The following PCGF2 variants were observed in gnomAD, a reference collection of about 807,000 sequenced individuals.
The protein encoded by PCGF2 is polycomb group RING finger protein 2.
A neutral mutation model predicts 36.1 loss-of-function variants in PCGF2; 8 were observed. That is an observed-to-expected ratio of 0.22 (90% CI 0.13 to 0.40). PCGF2 has a LOEUF of 0.40. PCGF2 is among the 10% of genes least tolerant of loss of function. The pLI, the probability that PCGF2 is intolerant of heterozygous loss-of-function variation, is 1.00. For synonymous variants in PCGF2, 198 were observed against 191.2 expected (o/e 1.04, Z -0.29); for missense variants, 436 against 475.9 (o/e 0.92, Z 0.78).
chr17:38,741,997 G>A (rs1907232258), intron 2 of PCGF2, among the ~76,000 whole-genome samples: 1 of 152,276 alleles, frequency 6.6e-6, no homozygotes, highest in Admixed American at 6.5e-5. Flanking sequence ...CTGTTCACAG[G>A]CTGTCCAGTG....
intron 10 of PCGF2, among the ~76,000 whole-genome samples, 187 bp from the exon 11 acceptor site, chr17:38,735,787 A>G (rs1157883034): frequency 1.3e-5 from 2 of 152,146 alleles, no homozygotes; most frequent in Non-Finnish European, 2.9e-5. Context: ...AAGGTCTAAG[A>G]GCAGAGACTC....
intron 3 of PCGF2, 150 bp downstream of exon 3, chr17:38,740,141 G>A (rs149466132): frequency 1.5e-6 from 1 of 668,792 alleles, no homozygotes; most frequent in Non-Finnish European, 2.6e-6. Context: ...TGCGAGGTAG[G>A]CCCTCTGTGA....
At chr17:38,736,970 T>TA (rs898942136) in intron 9 of PCGF2, among the ~76,000 whole-genome samples, 6 of 146,766 alleles carry the variant, frequency 4.1e-5, no homozygotes, top group African/African-American at 1.0e-4. Flanking sequence ...CCGTCTCTAC[T>TA]AAAAAAACAG....
At chr17:38,735,853 A>G (rs1433202475) in intron 10 of PCGF2, among the ~76,000 whole-genome samples, 5 of 151,934 alleles carry the variant, frequency 3.3e-5, no homozygotes. Context: ...GCCAGCACCT[A>G]TTTCTGCCCC....
In PCGF2 at chr17:38,734,983, T is replaced by G; in HGVS notation, c.*240A>C. 2.8e-6 allele frequency: 1 copy of G among 351,394 alleles called. No individual in the cohort carries two copies. The highest frequency in any genetic ancestry group is 5.1e-6 in the Non-Finnish European group (1 of 197,874). The allele number at this position is 351,394 out of a possible 1,614,324, so 21.8% of individuals were successfully genotyped here. ...AAAAATGAACACCATTTTCCACACA[T>G]ACACACACACATAAAGTTTGTTTCC... is the stretch of plus-strand genomic sequence containing the variant. On this transcript the variant is annotated 3_prime_UTR_variant, in exon 11 of 11. Transcript: ENST00000620225.
Position 38,734,500 on chromosome 17 carries a change from T to A in PCGF2, c.*723A>T, listed in dbSNP as rs148289101. 8 of 141,794 alleles carry A rather than the reference T, an allele frequency of 5.6e-5. No individual in the cohort carries two copies. The highest frequency in any genetic ancestry group is 1.1e-4 in the Non-Finnish European group (7 of 65,718). The allele number at this position is 141,794 out of a possible 1,614,324, so 8.8% of individuals were successfully genotyped here. ...GGCCTGAATCTTCTTTTCCACAAGATAAATGATGCAAAGGCCACACACACA... is the reference window on the plus strand; with the variant it reads ...GGCCTGAATCTTCTTTTCCACAAGAAAAATGATGCAAAGGCCACACACACA... On this transcript the variant is annotated 3_prime_UTR_variant, in exon 11 of 11. Coordinates refer to ENST00000620225, the MANE Select transcript of PCGF2 (RefSeq NM_007144.3).
chr17:38,735,595 C>A lies in PCGF2; in HGVS notation c.663G>T (p.Gly221=). Residue 221 remains glycine, a synonymous_variant, in exon 11 of 11, where the codon GGG becomes GGT. Coordinates refer to ENST00000620225, the MANE Select transcript of PCGF2 (RefSeq NM_007144.3). The part of the protein sequence containing the change: ...IAYIYPWRRN[G]PLPLKYRVQP... ...GGACACGGTACTTGAGGGGGAGAGG[C>A]CCGTTCTGCGGGGAGAGTGGGGAGG... 1 of 1,564,624 alleles carries A rather than the reference C, an allele frequency of 6.4e-7. No individual in the cohort carries two copies. Among genetic ancestry groups the A allele is most frequent in the Non-Finnish European group, 8.7e-7 (1 of 1,151,348 alleles).
rs1906580488 is a variant in PCGF2 at position 38,735,150 on chromosome 17, G to T, written c.*73C>A. The T allele has an allele frequency of 8.3e-7, 1 of 1,198,960 alleles. No homozygotes were observed. The allele number at this position is 1,198,960 out of a possible 1,614,324, so 74.3% of individuals were successfully genotyped here. On this transcript the variant is annotated 3_prime_UTR_variant, in exon 11 of 11. Coordinates refer to ENST00000620225, the MANE Select transcript of PCGF2 (RefSeq NM_007144.3). ...GGAAGAGCTGGGGAAAGTAGAAGAG[G>T]TGGAAAAAAGGGCCCAGAAAAAGTG...
intron 2 of PCGF2, among the ~76,000 whole-genome samples, chr17:38,742,160 G>T (rs1024228675): frequency 5.9e-5 from 9 of 152,168 alleles, no homozygotes; most frequent in African/African-American, 2.2e-4. Flanking sequence ...TCTTGGTAAA[G>T]AAATCAAACC....
intron 2 of PCGF2, 113 bp from the exon 3 acceptor site, chr17:38,740,555 T>C (rs868566997): frequency 1.3e-4 from 89 of 678,284 alleles, no homozygotes; most frequent in Middle Eastern, 1.2e-3. Flanking sequence ...GTCAGGAGAT[T>C]GAGACCATCT....
chr17:38,737,071 G>A (rs1261187879), intron 9 of PCGF2, among the ~76,000 whole-genome samples: 1 of 151,878 alleles, frequency 6.6e-6, no homozygotes, highest in Non-Finnish European at 1.5e-5. Flanking sequence ...GTCAGCAGAG[G>A]TTGCGGTGAG....
chr17:38,743,556 G>A (rs937308279), intron 2 of PCGF2, among the ~76,000 whole-genome samples: 3 of 152,078 alleles, frequency 2.0e-5, no homozygotes, highest in Non-Finnish European at 4.4e-5. Flanking sequence ...TGAATGAAAC[G>A]CTGCTCCTTC....
At chr17:38,736,929 T>G (rs1906805884) in intron 9 of PCGF2, among the ~76,000 whole-genome samples, 1 of 143,054 alleles carries the variant, frequency 7.0e-6, no homozygotes, top group African/African-American at 2.7e-5. Flanking sequence ...GGCCGAGAAT[T>G]CAAGACCAGC....
chr17:38,743,562 CCTT>C (rs1259267394), intron 2 of PCGF2, among the ~76,000 whole-genome samples: 1 of 152,180 alleles, frequency 6.6e-6, no homozygotes, highest in Non-Finnish European at 1.5e-5. Flanking sequence ...AAACGCTGCT[CCTT>C]CTCCAGTTTA....
At chr17:38,742,864 G>GCATCTATGTGTGTGTGCAGAGC (rs1378908366) in intron 2 of PCGF2, among the ~76,000 whole-genome samples, 3 of 152,196 alleles carry the variant, frequency 2.0e-5, no homozygotes, top group Non-Finnish European at 4.4e-5. Context: ...GTGTCCAGAT[G>GCATCTATGTGTGTGTGCAGAGC]CATCTATGTG....
chr17:38,740,053 T>G (rs895034041), intron 3 of PCGF2, among the ~76,000 whole-genome samples: 2 of 152,244 alleles, frequency 1.3e-5, no homozygotes, highest in Admixed American at 1.3e-4. Flanking sequence ...ATTTCAGCCA[T>G]TTCAAGAAAG....
rs368418582 is a variant in PCGF2 at position 38,735,106 on chromosome 17, G to T, written c.*117C>A. 2.8e-6 allele frequency: 2 copies of T among 726,276 alleles called. No homozygotes were observed. The highest frequency in any genetic ancestry group is 7.8e-5 in the Admixed American group (2 of 25,604). The allele number at this position is 726,276 out of a possible 1,614,324, so 45.0% of individuals were successfully genotyped here. A position where few individuals can be genotyped will look rare whatever the true frequency, so the allele number is the denominator to read the frequency against. On this transcript the variant is annotated 3_prime_UTR_variant, in exon 11 of 11. Coordinates refer to ENST00000620225, the MANE Select transcript of PCGF2 (RefSeq NM_007144.3). ...ATATATATATTTATTTATAAAACCCGCCCCCCACCCCCAAGGTGGGAAGAG... is the reference window on the plus strand; with the variant it reads ...ATATATATATTTATTTATAAAACCCTCCCCCCACCCCCAAGGTGGGAAGAG...
At chr17:38,746,003 C>G (rs999755350) in intron 2 of PCGF2, among the ~76,000 whole-genome samples, 34 of 152,104 alleles carry the variant, frequency 2.2e-4, no homozygotes, top group African/African-American at 7.7e-4. Context: ...CTGCGCAAGC[C>G]CCTTGTATTT....
intron 2 of PCGF2, among the ~76,000 whole-genome samples, chr17:38,741,174 C>T (rs1234478879): frequency 6.6e-6 from 1 of 150,754 alleles, no homozygotes. Flanking sequence ...GATCCTCCTG[C>T]CTCACGTGAT....
Sources: allele counts gnomAD v4.1 joint callset (sites outside exome capture counted in the v4.1 genomes callset), GRCh38; gene constraint gnomAD v4.1.1; transcripts MANE v1.5; gene names NCBI Gene and HGNC (gene_info 2026-07-23, HGNC 2026-07-21).